The following MRPS27 variants were observed in gnomAD, a reference collection of about 807,000 sequenced individuals.
MRPS27 encodes mitochondrial ribosomal protein S27.
Under a neutral mutation model 48.9 loss-of-function variants are expected in MRPS27, and 43 were observed. The observed-to-expected ratio is 0.88, with a 90% CI of 0.69 to 1.13. The LOEUF is 1.13. Ranked by LOEUF, MRPS27 falls within the 50% of genes most tolerant of loss-of-function variation. The pLI, the probability that MRPS27 is intolerant of heterozygous loss-of-function variation, is 0.00. For missense variants in MRPS27, 467 were observed against 476.3 expected (o/e 0.98, Z 0.18); for synonymous variants, 188 against 171.9 (o/e 1.09, Z -0.73).
chr5:72,259,306 T>C (rs1486236578), intron 4 of MRPS27, among the ~76,000 whole-genome samples: 3 of 151,984 alleles, frequency 2.0e-5, no homozygotes, highest in Non-Finnish European at 2.9e-5. Flanking sequence ...CTGTCTCTAC[T>C]AAAAATACAA....
chr5:72,260,438 T>C (rs975706177), intron 4 of MRPS27, among the ~76,000 whole-genome samples: 11 of 152,226 alleles, frequency 7.2e-5, no homozygotes, highest in Admixed American at 3.3e-4. Flanking sequence ...TACTGTTTTA[T>C]TTAACCTTTC....
intron 4 of MRPS27, among the ~76,000 whole-genome samples, chr5:72,264,010 G>A (rs1749046305): frequency 6.6e-6 from 1 of 152,042 alleles, no homozygotes; most frequent in Non-Finnish European, 1.5e-5. Flanking sequence ...ATCAACAGAT[G>A]AGTGAATAAA....
chr5:72,304,062 T>C (rs1750193343), intron 2 of MRPS27, among the ~76,000 whole-genome samples: 1 of 152,070 alleles, frequency 6.6e-6, no homozygotes, highest in Non-Finnish European at 1.5e-5. Context: ...AGGATAAAAC[T>C]TTATTATTAG....
chr5:72,278,395 A>G (rs538880022), intron 4 of MRPS27, among the ~76,000 whole-genome samples: 1 of 149,460 alleles, frequency 6.7e-6, no homozygotes, highest in East Asian at 2.0e-4. Context: ...GTGAGCCGAG[A>G]TCGCGCCACT....
intron 4 of MRPS27, among the ~76,000 whole-genome samples, chr5:72,280,780 T>A (rs960871585): frequency 4.6e-5 from 7 of 152,242 alleles, no homozygotes; most frequent in Non-Finnish European, 8.8e-5. Context: ...TTCAATAACA[T>A]CTTATCAGAG....
chr5:72,224,749 T>G (rs1747848125), intron 9 of MRPS27, among the ~76,000 whole-genome samples: 1 of 152,204 alleles, frequency 6.6e-6, no homozygotes, highest in Admixed American at 6.5e-5. Flanking sequence ...TTTCTGTGAC[T>G]TAGGAAGTAA....
chr5:72,222,186 G>T (rs979929665), intron 10 of MRPS27, among the ~76,000 whole-genome samples: 12 of 152,200 alleles, frequency 7.9e-5, no homozygotes, highest in African/African-American at 2.4e-4. Flanking sequence ...AGGAAGAAAA[G>T]GAAATGTAAA....
At chr5:72,299,702 T>A (rs1319288409) in intron 2 of MRPS27, among the ~76,000 whole-genome samples, 1 of 152,212 alleles carries the variant, frequency 6.6e-6, no homozygotes, top group Admixed American at 6.5e-5. Flanking sequence ...ATTTCTGAGA[T>A]CACACTTTTA....
At chr5:72,259,759 A>C (rs989092161) in intron 4 of MRPS27, among the ~76,000 whole-genome samples, 3 of 152,106 alleles carry the variant, frequency 2.0e-5, no homozygotes, top group African/African-American at 4.8e-5. Context: ...AATTTTCTTG[A>C]CTTATATATA....
At chr5:72,239,599 T>C (rs1748297836) in intron 4 of MRPS27, among the ~76,000 whole-genome samples, 1 of 152,180 alleles carries the variant, frequency 6.6e-6, no homozygotes. Flanking sequence ...AGATACTCAA[T>C]CTTATAAGAT....
intron 2 of MRPS27, among the ~76,000 whole-genome samples, chr5:72,305,961 C>G (rs1397761906): frequency 6.6e-6 from 1 of 152,214 alleles, no homozygotes; most frequent in East Asian, 1.9e-4. Context: ...AGTACAGAAA[C>G]AATCAAAAGT....
chr5:72,297,579 T>A, intron 3 of MRPS27, 53 bp downstream of exon 3: 2 of 1,199,894 alleles, frequency 1.7e-6, no homozygotes, highest in Non-Finnish European at 1.2e-6. Context: ...ATGAAGGGCC[T>A]TTCTGGCTTT....
At chr5:72,281,748 C>T (rs1749539583) in intron 4 of MRPS27, among the ~76,000 whole-genome samples, 1 of 152,170 alleles carries the variant, frequency 6.6e-6, no homozygotes, top group Admixed American at 6.5e-5. Context: ...TATTATTCAG[C>T]AAATGGAGGA....
chr5:72,280,493 A>G (rs1749508122), intron 4 of MRPS27, among the ~76,000 whole-genome samples: 1 of 152,230 alleles, frequency 6.6e-6, no homozygotes. Flanking sequence ...ATTTCATTCT[A>G]ACCTGCAAGG....
chr5:72,303,201 T>C (rs1338343605), intron 2 of MRPS27, among the ~76,000 whole-genome samples: 2 of 152,242 alleles, frequency 1.3e-5, no homozygotes, highest in Non-Finnish European at 2.9e-5. Context: ...ATCTTGATCA[T>C]GGAGATGACT....
chr5:72,294,952 T>C (rs761383825), intron 4 of MRPS27, among the ~76,000 whole-genome samples: 2 of 152,130 alleles, frequency 1.3e-5, no homozygotes, highest in Non-Finnish European at 2.9e-5. Flanking sequence ...ACAGTAAGTA[T>C]AATGCAAATA....
chr5:72,310,016 A>G (rs1750398594), intron 2 of MRPS27, among the ~76,000 whole-genome samples: 1 of 152,206 alleles, frequency 6.6e-6, no homozygotes, highest in Non-Finnish European at 1.5e-5. Context: ...CTCTAGTGGG[A>G]GCCAGGGCTG....
rs561695263 is a variant in MRPS27, at chr5:72,231,316, A to C, written c.591+1127T>G. ...CTGTTCTTCCCCTCCTTAGCCAGTTAATTACCAGTCATCCTTCAATAGTAA... is the reference window on the plus strand; with the variant it reads ...CTGTTCTTCCCCTCCTTAGCCAGTTCATTACCAGTCATCCTTCAATAGTAA... On this transcript the variant is annotated intron_variant, in intron 7 of 10. Transcript: ENST00000261413. 2.0e-5 allele frequency among the ~76,000 whole-genome samples: 3 copies of C among 152,274 alleles called. No individual in the cohort carries two copies. The East Asian group carries it at 5.8e-4, about 29-fold the overall frequency.
At position 72,234,879 on chromosome 5, in the gene MRPS27, C is replaced by A. The variant is rs189041873; in HGVS notation, c.397-682G>T. On this transcript the variant is annotated intron_variant, in intron 5 of 10. Transcript: ENST00000261413. ...GCTTCTTGTGATTTTCATGCATACT[C>A]ATTTTACTACCAATGATCCTGATTG... Among the ~76,000 whole-genome samples the A allele has an allele frequency of 1.2e-3, 185 of 152,244 alleles. 1 individual carries two copies. The highest frequency in any genetic ancestry group is 2.0e-3 in the Non-Finnish European group (134 of 68,014).
Sources: allele counts gnomAD v4.1 joint callset (sites outside exome capture counted in the v4.1 genomes callset), GRCh38; gene constraint gnomAD v4.1.1; transcripts MANE v1.5; gene names NCBI Gene and HGNC (gene_info 2026-07-23, HGNC 2026-07-21).